Variants in CARD18 observed in about 807,000 individuals in gnomAD.
CARD18 encodes the protein caspase recruitment domain family member 18, also known as caspase recruitment domain-containing protein 18.
CARD18 carries 7 observed loss-of-function variants against 7.9 expected under a neutral mutation model. The observed-to-expected ratio is 0.88, with a 90% CI of 0.50 to 1.66. The LOEUF is 1.66. CARD18 is among the 40% of genes most tolerant of loss of function. The probability of loss-of-function intolerance (pLI) is 0.00; values close to 1 mark genes in which losing one functional copy is unlikely to be tolerated. For missense variants in CARD18, 134 were observed against 105.5 expected, an observed-to-expected ratio of 1.27 and a Z score of -1.18; for synonymous variants, 34 against 34.8, an observed-to-expected ratio of 0.98 and a Z score of 0.08.
At chr11:105,138,425 G>T (rs925924983) in intron 2 of CARD18, among the ~76,000 whole-genome samples, 2 of 152,062 alleles carry the variant, frequency 1.3e-5, no homozygotes, top group African/African-American at 4.8e-5. Flanking sequence ...AGGGTGGTAG[G>T]TACAAAAAGA....
At chr11:105,139,573 G>T in intron 1 of CARD18, 147 bp downstream of exon 1, 1 of 773,330 alleles carries the variant, frequency 1.3e-6, no homozygotes, top group Non-Finnish European at 2.1e-6. Flanking sequence ...GCAAGTCTGG[G>T]CATCTTCCCA....
chr11:105,139,421 A>G (rs745396732), intron 1 of CARD18: 32 of 542,960 alleles, frequency 5.9e-5, no homozygotes, highest in Non-Finnish European at 9.4e-5. Flanking sequence ...TGAGAACAAC[A>G]GCTACTGATA....
intron 1 of CARD18, chr11:105,139,369 T>C (rs1865445648): frequency 1.9e-6 from 1 of 537,550 alleles, no homozygotes; most frequent in Non-Finnish European, 3.3e-6. Flanking sequence ...TTGAAGGGAA[T>C]TGACAGTTTC....
At chr11:105,138,630 G>T (rs543492311) in intron 2 of CARD18, among the ~76,000 whole-genome samples, 182 bp downstream of exon 2, 1 of 152,192 alleles carries the variant, frequency 6.6e-6, no homozygotes, top group East Asian at 1.9e-4. Context: ...GAGAGAACAG[G>T]TACAAGGGAC....
In CARD18 at chr11:105,138,786, CATTAGGTTGA is replaced by C. The variant is rs1208055453; in HGVS notation, c.*1+16_*1+25del. ...ATTCAAGATACAGGGCCTATTTGGA[CATTAGGTTGA>C]ATCATTCCACCTTACCTTAGTGCAA... On this transcript the variant is annotated intron_variant, in intron 2 of 2. Coordinates refer to ENST00000530950, the MANE Select transcript of CARD18 (RefSeq NM_021571.4). 3 of 1,609,760 alleles carry C rather than the reference CATTAGGTTGA, an allele frequency of 1.9e-6. No individual in the cohort carries two copies. The East Asian group carries it at 6.7e-5, about 36-fold the overall frequency.
chr11:105,138,657 A>C (rs182581053), intron 2 of CARD18, among the ~76,000 whole-genome samples, 155 bp downstream of exon 2: 32 of 152,302 alleles, frequency 2.1e-4, no homozygotes, highest in Admixed American at 1.0e-3. Context: ...ACGTAGACAG[A>C]AGAGACATAA....
intron 2 of CARD18, 55 bp downstream of exon 2, chr11:105,138,757 C>A (rs933687535): frequency 1.3e-6 from 2 of 1,574,996 alleles, no homozygotes; most frequent in African/African-American, 1.4e-5. Context: ...AAAATCATAA[C>A]TGAATTCAAG....
intron 2 of CARD18, 126 bp downstream of exon 2, chr11:105,138,686 G>T: frequency 9.6e-7 from 1 of 1,044,602 alleles, no homozygotes; most frequent in Non-Finnish European, 1.4e-6. Context: ...CATGCATAAA[G>T]GAATGGAGTC....
At chr11:105,139,692 A>T (rs2134726129) in intron 1 of CARD18, 28 bp downstream of exon 1, 5 of 1,598,298 alleles carry the variant, frequency 3.1e-6, no homozygotes, top group Non-Finnish European at 4.2e-6. Context: ...CCTCCCTAAG[A>T]CCTATCCTCT....
chr11:105,138,990 A>C lies in CARD18; in HGVS notation c.96T>G (p.Asp32Glu), dbSNP rs1301106789. The C allele has an allele frequency of 7.4e-6, 12 of 1,613,512 alleles. No homozygotes were observed. The highest frequency in any genetic ancestry group is 1.0e-5 in the Non-Finnish European group (12 of 1,179,710). Reference sequence around the variant, plus strand: ...TCATGTCTTCCTGGCTAATAACTTCATCCTCTAATAGGCAATCCAGCAAGG... The same window carrying C: ...TCATGTCTTCCTGGCTAATAACTTCCTCCTCTAATAGGCAATCCAGCAAGG... Reference protein sequence around the residue: ...INALLDCLLEDEVISQEDMNK... With the variant: ...INALLDCLLEEEVISQEDMNK... The change falls in exon 2 of 3, where the codon GAT becomes GAG. Residue 32 changes from aspartate (D) to glutamate (E), a missense_variant. Physicochemically the swap from Asp to Glu is conservative, Grantham distance 45. Transcript: ENST00000530950.
At chr11:105,139,368 A>T in intron 1 of CARD18, 1 of 536,168 alleles carries the variant, frequency 1.9e-6, no homozygotes, top group Non-Finnish European at 3.3e-6. Flanking sequence ...TTTGAAGGGA[A>T]TTGACAGTTT....
intron 2 of CARD18, among the ~76,000 whole-genome samples, chr11:105,138,530 G>A (rs897451722): frequency 1.3e-5 from 2 of 151,988 alleles, no homozygotes; most frequent in Non-Finnish European, 2.9e-5. Flanking sequence ...AAAGATTCAG[G>A]ATAAAACATC....
At chr11:105,138,618 C>G (rs1865434912) in intron 2 of CARD18, among the ~76,000 whole-genome samples, 194 bp downstream of exon 2, 1 of 152,024 alleles carries the variant, frequency 6.6e-6, no homozygotes. Context: ...GCAGGGAGTA[C>G]TGAGAGAACA....
chr11:105,138,727 A>T (rs1207034037), intron 2 of CARD18, 85 bp downstream of exon 2: 1 of 1,445,826 alleles, frequency 6.9e-7, no homozygotes, highest in African/African-American at 1.4e-5. Context: ...CCCTATTATC[A>T]ACTGACAAGA....
At chr11:105,139,211 T>G (rs2134725730) in intron 1 of CARD18, 133 bp from the exon 2 acceptor site, 1 of 949,962 alleles carries the variant, frequency 1.1e-6, no homozygotes, top group East Asian at 2.5e-5. Context: ...CTTATACCTT[T>G]GCATTTACTC....
At chr11:105,138,502 T>C (rs1049380408) in intron 2 of CARD18, among the ~76,000 whole-genome samples, 3 of 152,074 alleles carry the variant, frequency 2.0e-5, no homozygotes, top group Non-Finnish European at 2.9e-5. Context: ...TATTGTACAT[T>C]GCTCCCCAGG....
In CARD18 at chr11:105,138,864, C is replaced by T. The variant is rs1315185191; in HGVS notation, c.222G>A (p.Lys74=). 7.4e-6 allele frequency: 12 copies of T among 1,613,492 alleles called. No individual in the cohort carries two copies. Among genetic ancestry groups the T allele is most frequent in the Non-Finnish European group, 1.0e-5 (12 of 1,179,622 alleles). Residue 74 remains lysine (K), a synonymous_variant, in exon 2 of 3, where the codon AAG becomes AAA. Coordinates refer to ENST00000530950, the MANE Select transcript of CARD18 (RefSeq NM_021571.4). The part of the protein sequence containing the change: ...KGPKSCCKFI[K]HLCEEDPQLA... ...GTTGAGGGTCTTCTTCACAGAGATG[C>T]TTGATAAATTTGCAGCAAGACTTGG... is the stretch of plus-strand genomic sequence containing the variant.
rs1442259191 is a variant in CARD18 at position 105,138,001 on chromosome 11, C to G, written c.*99G>C. The G allele has an allele frequency of 6.6e-6, 1 of 152,118 alleles. No homozygotes were observed. Among genetic ancestry groups the G allele is most frequent in the Non-Finnish European group, 1.5e-5 (1 of 68,010 alleles). 9.4% of individuals were successfully genotyped at this position (152,118 alleles called of 1,614,324 possible). On this transcript the variant is annotated 3_prime_UTR_variant, in exon 3 of 3. Transcript: ENST00000530950. The stretch of plus-strand genomic sequence containing the variant: ...AAATTAATCAGGTTTGAAAAAAGCA[C>G]TGTTGTTTTGTTTTGTTTTTTTCTT...
Position 105,139,071 on chromosome 11 carries a change from G to C in CARD18, c.15C>G (p.Leu5=). 1.2e-6 allele frequency: 2 copies of C among 1,612,444 alleles called. No homozygotes were observed. Among genetic ancestry groups the C allele is most frequent in the Non-Finnish European group, 1.7e-6 (2 of 1,179,130 alleles). ...TAAAAATTCTTCTCTTTTTACGCAAGAGTTGGTCTGTTGGAAGCACAAAGA... is the reference window on the plus strand; with the variant it reads ...TAAAAATTCTTCTCTTTTTACGCAACAGTTGGTCTGTTGGAAGCACAAAGA... MADQ[L]LRKKRRIFIH... Residue 5 remains leucine (L), a synonymous_variant, in exon 2 of 3, where the codon CTC becomes CTG. Transcript: ENST00000530950.
Sources: allele counts gnomAD v4.1 joint callset (sites outside exome capture counted in the v4.1 genomes callset), GRCh38; gene constraint gnomAD v4.1.1; transcripts MANE v1.5; gene names NCBI Gene and HGNC (gene_info 2026-07-23, HGNC 2026-07-21).